Variants in MACROD2 observed in about 807,000 individuals in gnomAD.
The protein encoded by MACROD2 is mono-ADP ribosylhydrolase 2.
MACROD2 carries 36 observed loss-of-function variants against 70.4 expected under a neutral mutation model. That is an observed-to-expected ratio of 0.51 (90% CI 0.39 to 0.68). MACROD2 has a LOEUF of 0.68. Among genes scored for constraint, MACROD2 ranks in the 30% least tolerant of loss-of-function variants. MACROD2 has a pLI of 0.00. For missense variants in MACROD2, 496 were observed against 538.4 expected, an observed-to-expected ratio of 0.92 and a Z score of 0.78; for synonymous variants, 172 against 178.8, an observed-to-expected ratio of 0.96 and a Z score of 0.30.
chr20:14,417,046 TTATCTATCTATCTATCTATCATC>T (rs772319160), intron 3 of MACROD2, among the ~76,000 whole-genome samples: 9,965 of 131,802 alleles, frequency 0.076, 406 homozygotes, highest in South Asian at 0.19. Flanking sequence ...TATCTATCTA[TTATCTATCTATCTATCTATCATC>T]TATCTATCTA....
chr20:15,538,143 G>A (rs1198402296), intron 8 of MACROD2, among the ~76,000 whole-genome samples: 2 of 152,068 alleles, frequency 1.3e-5, no homozygotes, highest in Non-Finnish European at 1.5e-5. Flanking sequence ...AGTTTTCCAC[G>A]AAGGAAAAAG....
chr20:14,091,344 G>A (rs907656282), intron 3 of MACROD2, among the ~76,000 whole-genome samples: 6 of 152,122 alleles, frequency 3.9e-5, no homozygotes. Context: ...TTGGAGGAAG[G>A]AAATGGGGAG....
chr20:15,311,309 C>G (rs2077750080), intron 6 of MACROD2, among the ~76,000 whole-genome samples: 1 of 151,936 alleles, frequency 6.6e-6, no homozygotes, highest in African/African-American at 2.4e-5. Context: ...TAACAAAAAC[C>G]CCTTTGCAGA....
chr20:15,541,813 C>T (rs1046321071), intron 8 of MACROD2, among the ~76,000 whole-genome samples: 2 of 152,176 alleles, frequency 1.3e-5, no homozygotes, highest in Admixed American at 6.5e-5. Flanking sequence ...TGGGACACAA[C>T]CTTTGAAAAG....
intron 8 of MACROD2, among the ~76,000 whole-genome samples, chr20:15,506,143 C>A (rs1485163586): frequency 1.3e-5 from 2 of 152,110 alleles, no homozygotes; most frequent in Non-Finnish European, 2.9e-5. Flanking sequence ...GTGGTCTAGA[C>A]CTCACCGTAA....
intron 6 of MACROD2, among the ~76,000 whole-genome samples, chr20:15,291,638 A>G (rs1275310092): frequency 1.3e-5 from 2 of 152,174 alleles, no homozygotes; most frequent in African/African-American, 2.4e-5. Context: ...AAATGGTTAG[A>G]CTGTCTTTTG....
chr20:14,170,731 G>A (rs1428988404), intron 3 of MACROD2, among the ~76,000 whole-genome samples: 2 of 152,148 alleles, frequency 1.3e-5, no homozygotes, highest in African/African-American at 4.8e-5. Flanking sequence ...CTGATATGCT[G>A]TTGAAGTTGG....
At chr20:15,754,028 A>C (rs1248691725) in intron 8 of MACROD2, among the ~76,000 whole-genome samples, 5 of 152,202 alleles carry the variant, frequency 3.3e-5, no homozygotes, top group South Asian at 2.1e-4. Context: ...CAAGCTTATA[A>C]AAAAATGTAA....
intron 5 of MACROD2, among the ~76,000 whole-genome samples, chr20:15,067,062 C>T (rs1212315252): frequency 6.6e-6 from 1 of 152,074 alleles, no homozygotes; most frequent in Admixed American, 6.5e-5. Context: ...TATCCCATTT[C>T]ACATTTTATT....
chr20:15,473,801 A>G (rs995420522), intron 7 of MACROD2, among the ~76,000 whole-genome samples: 6 of 152,282 alleles, frequency 3.9e-5, no homozygotes, highest in African/African-American at 1.2e-4. Context: ...TCTCTTCACA[A>G]GTGATATCCA....
Position 14,589,657 on chromosome 20 carries a change from A to T in MACROD2, c.302-95186A>T, listed in dbSNP as rs541867740. Among the ~76,000 whole-genome samples, 11 of 152,270 alleles carry T rather than the reference A, an allele frequency of 7.2e-5. 1 individual carries two copies. The highest frequency in any genetic ancestry group is 1.3e-4 in the Non-Finnish European group (9 of 68,024). On this transcript the variant is annotated intron_variant, in intron 4 of 17. Transcript: ENST00000684519. ...ATGACTGAAATGTTTATACTTATTC[A>T]TGACATTATATTGTTGGTTTTCTCT...
At chr20:14,513,759 CTT>C (rs1215604648) in intron 4 of MACROD2, among the ~76,000 whole-genome samples, 3 of 151,990 alleles carry the variant, frequency 2.0e-5, no homozygotes, top group African/African-American at 7.2e-5. Context: ...CATTTTATGA[CTT>C]TTTCATATGG....
intron 5 of MACROD2, among the ~76,000 whole-genome samples, chr20:15,104,636 TC>T (rs1348837512): frequency 6.6e-6 from 1 of 151,922 alleles, no homozygotes; most frequent in Non-Finnish European, 1.5e-5. Flanking sequence ...TACCTGCGGA[TC>T]TCGTTGTTGA....
intron 4 of MACROD2, among the ~76,000 whole-genome samples, chr20:14,560,308 TACACACAC>T (rs1232499100): frequency 6.1e-5 from 9 of 147,452 alleles, no homozygotes; most frequent in East Asian, 4.0e-4. Flanking sequence ...GTACTTAATG[TACACACAC>T]ACACACACAC....
chr20:15,183,128 A>G (rs1017384848), intron 5 of MACROD2, among the ~76,000 whole-genome samples: 4 of 152,220 alleles, frequency 2.6e-5, no homozygotes, highest in African/African-American at 9.6e-5. Flanking sequence ...CCAGAACTTC[A>G]GAATACACTT....
At chr20:14,958,785 C>CT (rs1286266452) in intron 5 of MACROD2, among the ~76,000 whole-genome samples, 3 of 152,134 alleles carry the variant, frequency 2.0e-5, no homozygotes, top group African/African-American at 7.2e-5. Context: ...TCAGAGTCAC[C>CT]TATAGGGCTT....
chr20:14,123,523 C>A (rs548366978), intron 3 of MACROD2, among the ~76,000 whole-genome samples: 2 of 152,152 alleles, frequency 1.3e-5, no homozygotes, highest in African/African-American at 4.8e-5. Context: ...AGAAATCTTG[C>A]AGTGCGGCAT....
At chr20:16,012,357 G>A in intron 15 of MACROD2, among the ~76,000 whole-genome samples, 1 of 152,158 alleles carries the variant, frequency 6.6e-6, no homozygotes, top group Non-Finnish European at 1.5e-5. Context: ...GTGGTTCTCA[G>A]CTTTGATTGT....
chr20:14,652,203 T>G (rs976350128), intron 4 of MACROD2, among the ~76,000 whole-genome samples: 7 of 152,204 alleles, frequency 4.6e-5, no homozygotes, highest in Non-Finnish European at 8.8e-5. Context: ...GAATTCCTAT[T>G]CAGAGATTTA....
Sources: gnomAD v4.1 joint callset for allele counts (sites outside exome capture counted in the v4.1 genomes callset) on GRCh38, gnomAD v4.1.1 for gene constraint, MANE v1.5 for transcripts, NCBI Gene and HGNC (gene_info 2026-07-23, HGNC 2026-07-21) for gene names.